Variants in UBE2Q1 observed in about 807,000 individuals in gnomAD.
The protein encoded by UBE2Q1 is ubiquitin-conjugating enzyme E2 Q1.
Under a neutral mutation model 60.1 loss-of-function variants are expected in UBE2Q1, and 6 were observed. That is an observed-to-expected ratio of 0.10 (90% CI 0.05 to 0.20). UBE2Q1 has a LOEUF of 0.20. UBE2Q1 is among the 10% of genes least tolerant of loss of function. UBE2Q1 has a pLI of 1.00. For missense variants in UBE2Q1, 262 were observed against 525.8 expected (o/e 0.50, Z 4.91); for synonymous variants, 226 against 208.3 (o/e 1.09, Z -0.73).
rs1478683892 is a variant in UBE2Q1 at position 154,550,487 on chromosome 1, GGTCA to G, written c.1238-22_1238-19del. On this transcript the variant is annotated intron_variant, in intron 12 of 12. Transcript: ENST00000292211. ...GTACCAGCCTGCAAAGAAATGGAAT[GGTCA>G]GTGAGGTGAAGGTTCAGGCCCACCC... 38 of 1,613,708 alleles carry G rather than the reference GGTCA, an allele frequency of 2.4e-5. No homozygotes were observed. The highest frequency in any genetic ancestry group is 3.0e-5 in the Non-Finnish European group (35 of 1,179,958).
At chr1:154,551,658 G>A (rs1163447916) in intron 10 of UBE2Q1, 113 bp downstream of exon 10, 1 of 1,519,080 alleles carries the variant, frequency 6.6e-7, no homozygotes, top group Non-Finnish European at 9.1e-7. Flanking sequence ...ACCCAGCCCA[G>A]CAGAATGAAA....
Position 154,549,643 on chromosome 1 carries a change from G to A in UBE2Q1, c.*795C>T, listed in dbSNP as rs1695758321. 6.5e-6 allele frequency: 1 copy of A among 152,686 alleles called. No individual in the cohort carries two copies. Among genetic ancestry groups the A allele is most frequent in the African/African-American group, 2.4e-5 (1 of 41,460 alleles). 9.5% of individuals were successfully genotyped at this position (152,686 alleles called of 1,614,324 possible). A position where few individuals can be genotyped will look rare whatever the true frequency, so the allele number is the denominator to read the frequency against. On this transcript the variant is annotated 3_prime_UTR_variant, in exon 13 of 13. Transcript: ENST00000292211. ...GGAATTCTACGAAGCAGCCTCTTGAGCCTCATTTTCTTTTTCTTAGAAATT... is the reference window on the plus strand; with the variant it reads ...GGAATTCTACGAAGCAGCCTCTTGAACCTCATTTTCTTTTTCTTAGAAATT...
Position 154,550,460 on chromosome 1 carries a change from G to C in UBE2Q1, c.1247C>G (p.Thr416Arg). Residue 416 changes from threonine to arginine, a missense_variant, in exon 13 of 13, where the codon ACA (threonine) becomes AGA (arginine). By Grantham distance (71) the Thr-to-Arg change is moderately conservative. Coordinates refer to ENST00000292211, the MANE Select transcript of UBE2Q1 (RefSeq NM_017582.7). ...VQIHEKNGWY[T>R]PPKEDG ...GGGTTAGCCGTCTTCTTTTGGGGGT[G>C]TGTACCAGCCTGCAAAGAAATGGAA... is the stretch of plus-strand genomic sequence containing the variant. The C allele has an allele frequency of 6.2e-7, 1 of 1,613,952 alleles. No individual in the cohort carries two copies. The highest frequency in any genetic ancestry group is 8.5e-7 in the Non-Finnish European group (1 of 1,179,994).
chr1:154,553,361 A>G (rs1245491648), intron 4 of UBE2Q1, among the ~76,000 whole-genome samples, 189 bp from the exon 5 acceptor site: 1 of 152,232 alleles, frequency 6.6e-6, no homozygotes, highest in Admixed American at 6.5e-5. Context: ...TTCCCTCCAC[A>G]GTCTAAATCT....
In UBE2Q1 at chr1:154,552,818, A is replaced by G. The variant is rs1198057852; in HGVS notation, c.732T>C (p.Gly244=). The part of the protein sequence containing the change: ...KKNQRQDYLN[G]AVSGSVQATD... ...TGGCCTGCACCGAGCCAGACACTGC[A>G]CCCTGTGAGGGACGGATGACAGGAA... The change falls in exon 6 of 13, where the codon GGT becomes GGC. Residue 244 remains glycine, a splice_region_variant and synonymous_variant. Coordinates refer to ENST00000292211, the MANE Select transcript of UBE2Q1 (RefSeq NM_017582.7). 6.2e-7 allele frequency: 1 copy of G among 1,614,004 alleles called. No homozygotes were observed. Among genetic ancestry groups the G allele is most frequent in the Admixed American group, 1.7e-5 (1 of 59,992 alleles).
Position 154,550,283 on chromosome 1 carries a change from T to G in UBE2Q1, c.*155A>C. 1 of 1,022,974 alleles carries G rather than the reference T, an allele frequency of 9.8e-7. No individual in the cohort carries two copies. Among genetic ancestry groups the G allele is most frequent in the Non-Finnish European group, 1.5e-6 (1 of 684,326 alleles). 63.4% of individuals were successfully genotyped at this position (1,022,974 alleles called of 1,614,324 possible). A position where few individuals can be genotyped will look rare whatever the true frequency, so the allele number is the denominator to read the frequency against. On this transcript the variant is annotated 3_prime_UTR_variant, in exon 13 of 13. Coordinates refer to ENST00000292211, the MANE Select transcript of UBE2Q1 (RefSeq NM_017582.7). ...TGTGTTTGTTTTTTTTCCTTAGCGT[T>G]TAGAATAGCCATCATTGTCCTGCAA...
intron 4 of UBE2Q1, 46 bp from the exon 5 acceptor site, chr1:154,553,218 G>A (rs771712719): frequency 3.8e-5 from 60 of 1,588,832 alleles, no homozygotes; most frequent in Middle Eastern, 1.8e-4. Context: ...GAAAAAAACC[G>A]ACACAGGTTA....
At chr1:154,550,542 G>T in intron 12 of UBE2Q1, 73 bp from the exon 13 acceptor site, 5 of 1,605,614 alleles carry the variant, frequency 3.1e-6, no homozygotes, top group Non-Finnish European at 4.3e-6. Context: ...AATCCCTGAA[G>T]ACGTCTCCAG....
At chr1:154,555,308 C>T (rs1161501480) in intron 3 of UBE2Q1, 120 bp downstream of exon 3, 8 of 821,300 alleles carry the variant, frequency 9.7e-6, no homozygotes, top group Admixed American at 7.1e-5. Context: ...AGTCATAAGA[C>T]GTGTATGTTT....
At position 154,555,893 on chromosome 1, in the gene UBE2Q1, C is replaced by T. The variant is rs1428614091; in HGVS notation, c.399G>A (p.Glu133=). Residue 133 remains glutamate, a synonymous_variant, in exon 2 of 13, where the codon GAG becomes GAA. Transcript: ENST00000292211. ...SDDPNLAAVL[E]RLVDIKKGNT... is the part of the protein sequence containing the mutation. ...TCCCTTTCTTTATGTCCACCAGCCTCTCCAAGACAGCAGCCAAGTTAGGGT... is the reference window on the plus strand; with the variant it reads ...TCCCTTTCTTTATGTCCACCAGCCTTTCCAAGACAGCAGCCAAGTTAGGGT... 6.2e-7 allele frequency: 1 copy of T among 1,614,032 alleles called. No individual in the cohort carries two copies. Among genetic ancestry groups the T allele is most frequent in the African/African-American group, 1.3e-5 (1 of 74,888 alleles).
chr1:154,558,495 C>T lies in UBE2Q1; in HGVS notation c.59G>A (p.Gly20Asp), dbSNP rs1695934594. ...CCCGGCCCCCGGCGCCGCCCCCTGG[C>T]CCCCCAGCTGCTGCCCCGGCCCCGG... ...QQPGPGQQLG[G>D]QGAAPGAGGG... Residue 20 changes from glycine (G) to aspartate (D), a missense_variant, in exon 1 of 13, where the codon GGC becomes GAC. Coordinates refer to ENST00000292211, the MANE Select transcript of UBE2Q1 (RefSeq NM_017582.7). 3 of 1,129,970 alleles carry T rather than the reference C, an allele frequency of 2.7e-6. No individual in the cohort carries two copies. The highest frequency in any genetic ancestry group is 3.8e-5 in the East Asian group (1 of 26,114). The allele number at this position is 1,129,970 out of a possible 1,614,324, so 70.0% of individuals were successfully genotyped here.
At chr1:154,555,813 T>C in intron 2 of UBE2Q1, 47 bp downstream of exon 2, 6 of 1,548,248 alleles carry the variant, frequency 3.9e-6, no homozygotes, top group Non-Finnish European at 5.4e-6. Flanking sequence ...CTTTGTGGCA[T>C]GGGCCTCATA....
At chr1:154,552,661 C>T in intron 6 of UBE2Q1, 75 bp downstream of exon 6, 3 of 1,540,616 alleles carry the variant, frequency 1.9e-6, no homozygotes, top group Non-Finnish European at 2.7e-6. Context: ...GACCCCAGAA[C>T]CTCTTGGGCC....
At chr1:154,551,582 T>C (rs1367461022) in intron 10 of UBE2Q1, 90 bp from the exon 11 acceptor site, 4 of 1,494,542 alleles carry the variant, frequency 2.7e-6, no homozygotes, top group South Asian at 1.1e-5. Context: ...GCTGTGTCTA[T>C]AGGAGGGCCC....
Position 154,558,403 on chromosome 1 carries a change from T to C in UBE2Q1, c.151A>G (p.Ile51Val). ...LRRELKLLES[I>V]FHRGHERFRI... ...AAGCGCTCGTGGCCGCGGTGGAAGA[T>C]GGACTCGAGCAGCTTCAGCTCTCGC... Residue 51 changes from isoleucine to valine, a missense_variant, in exon 1 of 13, where the codon ATC (isoleucine) becomes GTC (valine). Physicochemically the swap from Ile to Val is conservative, Grantham distance 29 (BLOSUM62 3). Transcript: ENST00000292211. 3.9e-6 allele frequency: 6 copies of C among 1,526,976 alleles called. No homozygotes were observed. The highest frequency in any genetic ancestry group is 1.4e-5 in the African/African-American group (1 of 70,634). 94.6% of individuals were successfully genotyped at this position (1,526,976 alleles called of 1,614,324 possible). A position where few individuals can be genotyped will look rare whatever the true frequency, so the allele number is the denominator to read the frequency against.
rs1171077371 is a variant in UBE2Q1, at chr1:154,555,404, G to C, written c.537+24C>G. On this transcript the variant is annotated intron_variant, in intron 3 of 12. Coordinates refer to ENST00000292211, the MANE Select transcript of UBE2Q1 (RefSeq NM_017582.7). The stretch of plus-strand genomic sequence containing the variant: ...CTGTGGGGCAACTCTGCACAACAGG[G>C]CCCGAGGCTCCTCAGCTGCTCACCT... 6 of 1,603,306 alleles carry C rather than the reference G, an allele frequency of 3.7e-6. No individual in the cohort carries two copies. In the East Asian group the frequency reaches 1.1e-4, roughly 30 times the overall value.
In UBE2Q1 at chr1:154,558,574, G is replaced by A. The variant is rs1401711397; in HGVS notation, c.-21C>T. 3.0e-5 allele frequency: 31 copies of A among 1,018,744 alleles called. No homozygotes were observed. Among genetic ancestry groups the A allele is most frequent in the Non-Finnish European group, 3.6e-5 (31 of 858,404 alleles). The allele number at this position is 1,018,744 out of a possible 1,614,324, so 63.1% of individuals were successfully genotyped here. ...TGCATCCTCCGCTCCGCTCCGCTCC[G>A]GGGCCGGCGGGCCGGGAGCCTCCGG... On this transcript the variant is annotated 5_prime_UTR_variant, in exon 1 of 13. Coordinates refer to ENST00000292211, the MANE Select transcript of UBE2Q1 (RefSeq NM_017582.7).
In UBE2Q1 at chr1:154,558,262, G is replaced by A. The variant is rs773274880; in HGVS notation, c.292C>T (p.Pro98Ser). Reference protein sequence around the residue: ...GPHLPPRGSVPGDPVRIHCNI... With the variant: ...GPHLPPRGSVSGDPVRIHCNI... ...CAGTGGATGCGGACAGGATCCCCAGGCACCGACCCCCGTGGGGGGAGATGC... is the reference window on the plus strand; with the variant it reads ...CAGTGGATGCGGACAGGATCCCCAGACACCGACCCCCGTGGGGGGAGATGC... The change falls in exon 1 of 13, where the codon CCT becomes TCT. Residue 98 changes from proline (P) to serine (S), a missense_variant. Physicochemically the swap from Pro to Ser is moderately conservative, Grantham distance 74. This residue lies in a region of UBE2Q1 where 49 missense variants were observed against 32.5 expected (regional missense o/e 1.51). Transcript: ENST00000292211. 5.1e-6 allele frequency: 8 copies of A among 1,565,148 alleles called. No homozygotes were observed. The highest frequency in any genetic ancestry group is 6.9e-6 in the Non-Finnish European group (8 of 1,158,558).
intron 4 of UBE2Q1, chr1:154,553,600 GGCCCCAA>G (rs1430953537): frequency 6.2e-6 from 1 of 162,368 alleles, no homozygotes; most frequent in African/African-American, 2.4e-5. Context: ...GAGTTCTCAG[GGCCCCAA>G]GCCTAAAGGA....
Sources: allele counts gnomAD v4.1 joint callset (sites outside exome capture counted in the v4.1 genomes callset), GRCh38; gene constraint gnomAD v4.1.1; regional missense constraint gnomAD v4.1.1; transcripts MANE v1.5; gene names NCBI Gene and HGNC (gene_info 2026-07-23, HGNC 2026-07-21).